The following PTPRT variants were observed in gnomAD, a reference collection of about 807,000 sequenced individuals.
PTPRT encodes protein tyrosine phosphatase receptor type T.
Under a neutral mutation model 176.8 loss-of-function variants are expected in PTPRT, and 56 were observed. The observed-to-expected ratio is 0.32, with a 90% confidence interval of 0.26 to 0.40. The LOEUF (loss-of-function observed/expected upper bound fraction) is 0.40. PTPRT is among the 10% of genes least tolerant of loss of function. The pLI, the probability that PTPRT is intolerant of heterozygous loss-of-function variation, is 1.00. For synonymous variants in PTPRT, 783 were observed against 739.0 expected (o/e 1.06, Z -0.96); for missense variants, 1,540 against 1,908.2 (o/e 0.81, Z 3.60).
At chr20:42,648,820 G>GTTTTTTTTTTTGTTTTTTTT (rs746084382) in intron 7 of PTPRT, among the ~76,000 whole-genome samples, 1 of 111,834 alleles carries the variant, frequency 8.9e-6, no homozygotes, top group African/African-American at 3.7e-5. Flanking sequence ...TGGTGTCGTT[G>GTTTTTTTTTTTGTTTTTTTT]TTTTTTTTTT....
chr20:42,933,163 A>G (rs1979971608), intron 1 of PTPRT, among the ~76,000 whole-genome samples: 1 of 152,102 alleles, frequency 6.6e-6, no homozygotes, highest in Non-Finnish European at 1.5e-5. Flanking sequence ...CAACTTTTCA[A>G]TTCCTCCAGC....
intron 6 of PTPRT, among the ~76,000 whole-genome samples, chr20:42,692,645 A>G (rs2075809762): frequency 6.6e-6 from 1 of 152,220 alleles, no homozygotes; most frequent in Non-Finnish European, 1.5e-5. Context: ...TGGTAGTTTT[A>G]GCCAATGCAA....
At chr20:42,310,503 A>G (rs959325912) in intron 12 of PTPRT, among the ~76,000 whole-genome samples, 1 of 152,172 alleles carries the variant, frequency 6.6e-6, no homozygotes, top group African/African-American at 2.4e-5. Context: ...TTAGCTCTAT[A>G]TGGGAAAAAA....
intron 13 of PTPRT, among the ~76,000 whole-genome samples, chr20:42,276,525 AT>A (rs2057036048): frequency 4.9e-5 from 2 of 40,810 alleles, no homozygotes; most frequent in Non-Finnish European, 1.1e-4. Flanking sequence ...ATATATATAT[AT>A]ATATATATAT....
intron 6 of PTPRT, among the ~76,000 whole-genome samples, chr20:42,753,622 A>G (rs1051200934): frequency 6.6e-5 from 10 of 152,100 alleles, no homozygotes; most frequent in Non-Finnish European, 1.2e-4. Flanking sequence ...GTGGCTTCAG[A>G]GCAGTGGTAG....
intron 1 of PTPRT, among the ~76,000 whole-genome samples, chr20:43,031,658 T>G (rs1207800373): frequency 6.6e-6 from 1 of 152,158 alleles, no homozygotes; most frequent in African/African-American, 2.4e-5. Context: ...AAATTTAACT[T>G]TAGCAGTGTC....
chr20:42,314,277 C>G (rs1166322268), intron 12 of PTPRT, among the ~76,000 whole-genome samples: 1 of 151,822 alleles, frequency 6.6e-6, no homozygotes, highest in Non-Finnish European at 1.5e-5. Flanking sequence ...GCCTGTAATC[C>G]CAGCACTTTG....
chr20:43,118,004 G>A (rs1243380197), intron 1 of PTPRT, among the ~76,000 whole-genome samples: 2 of 152,164 alleles, frequency 1.3e-5, no homozygotes, highest in Non-Finnish European at 2.9e-5. Context: ...GTTTTTAGAA[G>A]TACAATGCAC....
At chr20:42,937,882 T>C (rs976551251) in intron 1 of PTPRT, among the ~76,000 whole-genome samples, 3 of 152,220 alleles carry the variant, frequency 2.0e-5, no homozygotes, top group Admixed American at 6.5e-5. Flanking sequence ...TGTATCATTG[T>C]TCCCATTCTG....
intron 17 of PTPRT, among the ~76,000 whole-genome samples, chr20:42,154,107 A>G (rs1306732190): frequency 6.6e-6 from 1 of 152,136 alleles, no homozygotes; most frequent in Non-Finnish European, 1.5e-5. Flanking sequence ...GAAGAACCCC[A>G]TGGATTTCCC....
At chr20:42,927,796 T>G (rs1038617210) in intron 1 of PTPRT, among the ~76,000 whole-genome samples, 2 of 152,202 alleles carry the variant, frequency 1.3e-5, no homozygotes, top group Non-Finnish European at 2.9e-5. Flanking sequence ...TGAACTGAGC[T>G]GTCAGGGGCA....
At chr20:42,856,225 C>G (rs1347497669) in intron 2 of PTPRT, among the ~76,000 whole-genome samples, 1 of 152,138 alleles carries the variant, frequency 6.6e-6, no homozygotes, top group African/African-American at 2.4e-5. Flanking sequence ...AATTTCCTCT[C>G]CCATAAGAGA....
At chr20:42,825,167 C>G (rs1037807305) in intron 2 of PTPRT, among the ~76,000 whole-genome samples, 6 of 152,006 alleles carry the variant, frequency 3.9e-5, no homozygotes, top group Non-Finnish European at 5.9e-5. Flanking sequence ...ATCACATTAT[C>G]AAGTTGTGAA....
rs186984661 is a variant in PTPRT at position 42,625,462 on chromosome 20, G to A, written c.1153+52404C>T. ...TTTTTTTTTTTCTTTAATTCTTTCT[G>A]TGAAATTGAGTCTGGGTAGCAGACT... On this transcript the variant is annotated intron_variant, in intron 7 of 30. Coordinates refer to ENST00000373187, the MANE Select transcript of PTPRT (RefSeq NM_007050.6). 4.8e-4 allele frequency among the ~76,000 whole-genome samples: 73 copies of A among 151,236 alleles called. No individual in the cohort carries two copies. In the East Asian group the frequency reaches 0.013, roughly 27 times the overall value.
chr20:42,677,712 A>AC (rs2075530905), intron 7 of PTPRT, among the ~76,000 whole-genome samples, 154 bp downstream of exon 7: 1 of 152,112 alleles, frequency 6.6e-6, no homozygotes, highest in Non-Finnish European at 1.5e-5. Context: ...AACAAAAAAA[A>AC]CCCCAAGGCC....
intron 2 of PTPRT, among the ~76,000 whole-genome samples, chr20:42,802,891 T>C (rs761242899): frequency 1.3e-5 from 2 of 152,070 alleles, no homozygotes; most frequent in African/African-American, 2.4e-5. Flanking sequence ...ATCTGAAAAA[T>C]GGAGGTGATG....
At chr20:42,801,759 G>A (rs1038442654) in intron 2 of PTPRT, among the ~76,000 whole-genome samples, 1 of 152,194 alleles carries the variant, frequency 6.6e-6, no homozygotes, top group African/African-American at 2.4e-5. Flanking sequence ...TTATGTAGGT[G>A]TCAGACAGGG....
At chr20:43,081,014 A>G (rs117355564) in intron 1 of PTPRT, among the ~76,000 whole-genome samples, 1,715 of 152,326 alleles carry the variant, frequency 0.011, 18 homozygotes, top group Non-Finnish European at 0.016. Context: ...GTGATATATG[A>G]TTTTTTAATA....
intron 11 of PTPRT, among the ~76,000 whole-genome samples, chr20:42,343,770 A>C (rs936603718): frequency 2.0e-5 from 3 of 152,204 alleles, no homozygotes; most frequent in African/African-American, 7.2e-5. Flanking sequence ...AGTAGATCTC[A>C]CATGAGTGCT....
Sources: allele counts gnomAD v4.1 joint callset (sites outside exome capture counted in the v4.1 genomes callset), GRCh38; gene constraint gnomAD v4.1.1; transcripts MANE v1.5; gene names NCBI Gene and HGNC (gene_info 2026-07-23, HGNC 2026-07-21).